The following MAGI2 variants were observed in gnomAD, a reference collection of about 807,000 sequenced individuals.
MAGI2 encodes membrane-associated guanylate kinase, WW and PDZ domain-containing protein 2.
MAGI2 carries 35 observed loss-of-function variants against 133.3 expected under a neutral mutation model. The observed-to-expected ratio is 0.26, with a 90% confidence interval of 0.20 to 0.35. MAGI2 has a LOEUF of 0.35. MAGI2 is among the 10% of genes least tolerant of loss of function. MAGI2 has a pLI of 1.00. For missense variants in MAGI2, 1,636 were observed against 1,863.4 expected (o/e 0.88, Z 2.25); for synonymous variants, 729 against 710.6 (o/e 1.03, Z -0.41).
rs1818439248 is a variant in MAGI2 at position 78,704,775 on chromosome 7, A to ATTCTTTTTTTTT, written c.419-77548_419-77537dup. On this transcript the variant is annotated intron_variant, in intron 2 of 21. Coordinates refer to ENST00000354212, the MANE Select transcript of MAGI2 (RefSeq NM_012301.4). ...AACATGGAAGGAGCAGGAGGCCATTATTCTTTTTTTTTTTTTTTTTTCTGA... is the reference window on the plus strand; with the variant it reads ...AACATGGAAGGAGCAGGAGGCCATTATTCTTTTTTTTTTTCTTTTTTTTTTTTTTTTTTCTGA... 5.6e-5 allele frequency among the ~76,000 whole-genome samples: 2 copies of ATTCTTTTTTTTT among 35,718 alleles called. 1 individual carries two copies. Among genetic ancestry groups the ATTCTTTTTTTTT allele is most frequent in the Non-Finnish European group, 1.1e-4 (2 of 17,642 alleles). 23.4% of individuals were successfully genotyped at this position (35,718 alleles called of 152,430 possible). A position where few individuals can be genotyped will look rare whatever the true frequency, so the allele number is the denominator to read the frequency against.
chr7:78,440,155 T>TG (rs1787464179), intron 6 of MAGI2, among the ~76,000 whole-genome samples: 7 of 151,962 alleles, frequency 4.6e-5, no homozygotes, highest in Non-Finnish European at 1.0e-4. Context: ...AGCCCTGCCA[T>TG]AGATTCTGAC....
rs1788063836 is a variant in MAGI2, at chr7:78,214,363, TTACC to T, written c.2048-13174_2048-13171del. 2.6e-5 allele frequency among the ~76,000 whole-genome samples: 4 copies of T among 152,234 alleles called. 1 individual carries two copies. In the South Asian group the frequency reaches 8.3e-4, roughly 32 times the overall value. ...GGCTAAACATTCCTTTTTAAAATAC[TTACC>T]TATTTTGTTATAGATGCCATCCTCC... On this transcript the variant is annotated intron_variant, in intron 10 of 21. Coordinates refer to ENST00000354212, the MANE Select transcript of MAGI2 (RefSeq NM_012301.4).
At chr7:79,412,606 C>A (rs1846219417) in intron 1 of MAGI2, 1 of 152,154 alleles carries the variant, frequency 6.6e-6, no homozygotes, top group African/African-American at 2.4e-5. Flanking sequence ...TCTCTTTGTA[C>A]TCTTGACAGA....
chr7:78,027,113 A>C (rs1563019526), intron 21 of MAGI2, among the ~76,000 whole-genome samples: 1 of 152,210 alleles, frequency 6.6e-6, no homozygotes, highest in Non-Finnish European at 1.5e-5. Context: ...CTACAAACTC[A>C]GCTGAAACAC....
At chr7:78,578,599 G>A (rs1802511764) in intron 3 of MAGI2, among the ~76,000 whole-genome samples, 2 of 152,050 alleles carry the variant, frequency 1.3e-5, no homozygotes, top group African/African-American at 4.8e-5. Flanking sequence ...AATTATGGAG[G>A]ATATATACAG....
chr7:79,125,734 G>A (rs578152220), intron 1 of MAGI2: 25 of 521,910 alleles, frequency 4.8e-5, no homozygotes, highest in South Asian at 2.1e-4. Context: ...GATGGCCAAG[G>A]CCAATACTTT....
At chr7:79,347,643 G>A (rs748974316) in intron 1 of MAGI2, among the ~76,000 whole-genome samples, 9 of 151,888 alleles carry the variant, frequency 5.9e-5, no homozygotes, top group Non-Finnish European at 1.3e-4. Flanking sequence ...GACTTGCCAT[G>A]TGGAAGAGCT....
chr7:79,299,656 C>T (rs1429147971), intron 1 of MAGI2, among the ~76,000 whole-genome samples: 2 of 148,692 alleles, frequency 1.3e-5, no homozygotes, highest in African/African-American at 4.9e-5. Flanking sequence ...AAAATAGGTT[C>T]AAAAAGATTC....
intron 1 of MAGI2, among the ~76,000 whole-genome samples, chr7:79,042,378 T>G (rs770722562): frequency 1.3e-4 from 20 of 152,210 alleles, no homozygotes; most frequent in Non-Finnish European, 2.6e-4. Flanking sequence ...CTGTGTGCTT[T>G]GTTGATTTTT....
chr7:78,715,170 T>C lies in MAGI2; in HGVS notation c.419-87931A>G, dbSNP rs1019954801. Among the ~76,000 whole-genome samples the C allele has an allele frequency of 9.2e-5, 14 of 152,188 alleles. No homozygotes were observed. The East Asian group carries it at 2.5e-3, about 27-fold the overall frequency. ...GCAAATTAGCTTTATTCTTTAGAGA[T>C]TGGGAGAATGTGGGAGGGAAGGATC... On this transcript the variant is annotated intron_variant, in intron 2 of 21. Coordinates refer to ENST00000354212, the MANE Select transcript of MAGI2 (RefSeq NM_012301.4).
rs59919639 is a variant in MAGI2 at position 78,051,884 on chromosome 7, C to CTTTTTTTTT, written c.3706+27054_3706+27062dup. On this transcript the variant is annotated intron_variant, in intron 21 of 21. Coordinates refer to ENST00000354212, the MANE Select transcript of MAGI2 (RefSeq NM_012301.4). ...GCAGGTGTGAGCCACCATACCCAGC[C>CTTTTTTTTT]TTTTTTTTTTTTTTTTTAAGACAAG... 2.3e-3 allele frequency among the ~76,000 whole-genome samples: 286 copies of CTTTTTTTTT among 125,786 alleles called. 3 individuals are homozygous for CTTTTTTTTT. Among genetic ancestry groups the CTTTTTTTTT allele is most frequent in the South Asian group, 6.1e-3 (23 of 3,778 alleles). The allele number at this position is 125,786 out of a possible 152,430, so 82.5% of individuals were successfully genotyped here.
At chr7:78,702,294 TTTTCCATTA>T (rs1818161161) in intron 2 of MAGI2, among the ~76,000 whole-genome samples, 1 of 151,396 alleles carries the variant, frequency 6.6e-6, no homozygotes, top group Non-Finnish European at 1.5e-5. Flanking sequence ...GCCAGATTAA[TTTTCCATTA>T]AAAATAATTT....
At chr7:78,622,621 C>CA (rs1563256025) in intron 3 of MAGI2, among the ~76,000 whole-genome samples, 3 of 151,834 alleles carry the variant, frequency 2.0e-5, no homozygotes, top group African/African-American at 7.3e-5. Context: ...ACAAAACTCC[C>CA]AAAAAACACA....
chr7:78,159,925 G>C (rs1385301761), intron 16 of MAGI2, 100 bp downstream of exon 16: 1 of 1,442,460 alleles, frequency 6.9e-7, no homozygotes, highest in African/African-American at 1.4e-5. Context: ...TATACAGTAT[G>C]TCCGTGACAG....
intron 14 of MAGI2, 44 bp downstream of exon 14, chr7:78,177,967 T>C (rs1248246975): frequency 1.5e-6 from 2 of 1,374,354 alleles, no homozygotes; most frequent in Admixed American, 1.7e-5. Context: ...TGTTTACTCA[T>C]ACAATACAGC....
chr7:78,563,000 T>G lies in MAGI2; in HGVS notation c.539-41355A>C, dbSNP rs553751432. On this transcript the variant is annotated intron_variant, in intron 3 of 21. Transcript: ENST00000354212. ...CTTTGTGAGTTTCTTTTTTGTTGTTTTTTTTTTTTAATGAGTGGTCATTTG... is the reference window on the plus strand; with the variant it reads ...CTTTGTGAGTTTCTTTTTTGTTGTTGTTTTTTTTTAATGAGTGGTCATTTG... 2.2e-4 allele frequency among the ~76,000 whole-genome samples: 33 copies of G among 151,576 alleles called. No individual in the cohort carries two copies. In the East Asian group the frequency reaches 3.9e-3, roughly 18 times the overall value.
At chr7:79,089,643 C>G (rs748257292) in intron 1 of MAGI2, among the ~76,000 whole-genome samples, 3 of 152,024 alleles carry the variant, frequency 2.0e-5, no homozygotes, top group Non-Finnish European at 4.4e-5. Context: ...AGGATGAGTT[C>G]ATGTCTTTTG....
intron 9 of MAGI2, among the ~76,000 whole-genome samples, chr7:78,337,904 C>CCATT (rs1363264223): frequency 6.6e-6 from 1 of 151,972 alleles, no homozygotes; most frequent in Admixed American, 6.6e-5. Flanking sequence ...ATCCATCCAT[C>CCATT]CATCCATCCA....
intron 1 of MAGI2, among the ~76,000 whole-genome samples, chr7:79,252,034 A>G (rs1833320301): frequency 6.6e-6 from 1 of 151,246 alleles, no homozygotes; most frequent in Non-Finnish European, 1.5e-5. Flanking sequence ...GCCCACACCT[A>G]TGGTTCCAGC....
Sources: allele counts gnomAD v4.1 joint callset (sites outside exome capture counted in the v4.1 genomes callset), GRCh38; gene constraint gnomAD v4.1.1; transcripts MANE v1.5; gene names NCBI Gene and HGNC (gene_info 2026-07-23, HGNC 2026-07-21).